Variants in CDC123 observed in about 807,000 individuals in gnomAD.
CDC123 encodes cell division cycle 123, also known as translation initiation factor eIF2 assembly protein.
In CDC123, 37 loss-of-function variants were observed where a neutral mutation model predicts 54.4. That is an observed-to-expected ratio of 0.68 (90% CI 0.52 to 0.89). The LOEUF (loss-of-function observed/expected upper bound fraction) is 0.89, where lower values mean the gene tolerates loss of function less well. CDC123 is among the 40% of genes least tolerant of loss of function. The probability of loss-of-function intolerance (pLI) is 0.00; values close to 1 mark genes in which losing one functional copy is unlikely to be tolerated. For synonymous variants in CDC123, 144 were observed against 136.8 expected, an observed-to-expected ratio of 1.05 and a Z score of -0.37; for missense variants, 361 against 412.1, an observed-to-expected ratio of 0.88 and a Z score of 1.07.
At chr10:12,213,929 TCACTATCAC>T in intron 4 of CDC123, among the ~76,000 whole-genome samples, 1 of 152,150 alleles carries the variant, frequency 6.6e-6, no homozygotes, top group African/African-American at 2.4e-5. Flanking sequence ...TTAGTTCATG[TCACTATCAC>T]TTACCTAGAA....
At chr10:12,212,521 A>G (rs1346007949) in intron 4 of CDC123, among the ~76,000 whole-genome samples, 1 of 152,230 alleles carries the variant, frequency 6.6e-6, no homozygotes, top group East Asian at 1.9e-4. Context: ...AACTTTTTAA[A>G]AAGACTGACT....
At chr10:12,238,308 T>G in intron 9 of CDC123, 149 bp from the exon 10 acceptor site, 2 of 773,056 alleles carry the variant, frequency 2.6e-6, no homozygotes, top group East Asian at 3.2e-5. Context: ...TGCCTTTTTA[T>G]GTTTGAAGTT....
chr10:12,228,040 A>C (rs1439423081), intron 6 of CDC123, among the ~76,000 whole-genome samples: 1 of 152,010 alleles, frequency 6.6e-6, no homozygotes, highest in Admixed American at 6.6e-5. Context: ...AGCTCAAGTG[A>C]TCTTCCCGCC....
intron 2 of CDC123, among the ~76,000 whole-genome samples, chr10:12,199,184 GC>G (rs964676835): frequency 3.5e-4 from 54 of 152,154 alleles, no homozygotes; most frequent in Non-Finnish European, 1.8e-4. Flanking sequence ...AACTACCGTG[GC>G]CCCCCCTCCA....
chr10:12,215,676 A>G, intron 4 of CDC123, 64 bp from the exon 5 acceptor site: 1 of 864,892 alleles, frequency 1.2e-6, no homozygotes, highest in African/African-American at 1.7e-5. Flanking sequence ...TGAGATTTTG[A>G]TCTTGTTTTA....
chr10:12,201,411 C>T (rs186386679), intron 2 of CDC123, among the ~76,000 whole-genome samples: 5 of 151,844 alleles, frequency 3.3e-5, no homozygotes, highest in South Asian at 2.1e-4. Flanking sequence ...CGAGGAGGGT[C>T]GGGGAATGCT....
chr10:12,196,348 A>G (rs764504123), intron 1 of CDC123, 29 bp downstream of exon 1: 1 of 1,613,806 alleles, frequency 6.2e-7, no homozygotes, highest in Non-Finnish European at 8.5e-7. Flanking sequence ...CGCCCGGTCG[A>G]CCGGCAAAAG....
intron 6 of CDC123, among the ~76,000 whole-genome samples, chr10:12,229,650 G>C (rs1835872119): frequency 6.6e-6 from 1 of 152,158 alleles, no homozygotes; most frequent in Admixed American, 6.5e-5. Flanking sequence ...CTATTTTTTA[G>C]CTTTCTCCAC....
chr10:12,214,241 C>T (rs188203597), intron 4 of CDC123, among the ~76,000 whole-genome samples: 291 of 152,238 alleles, frequency 1.9e-3, no homozygotes, highest in Non-Finnish European at 3.1e-3. Flanking sequence ...AATTCTTTCC[C>T]GTTGTAAAGT....
chr10:12,199,299 T>C (rs12248186), intron 2 of CDC123, among the ~76,000 whole-genome samples: 3,271 of 152,284 alleles, frequency 0.021, 113 homozygotes, highest in African/African-American at 0.074. Context: ...TGAAGAATCA[T>C]AGGATTTAGT....
chr10:12,234,718 C>T (rs2131758038), intron 7 of CDC123, among the ~76,000 whole-genome samples: 1 of 150,994 alleles, frequency 6.6e-6, no homozygotes, highest in South Asian at 2.1e-4. Context: ...AATAATAGAT[C>T]ACAACTCTAT....
At chr10:12,234,950 A>T (rs530420087) in intron 7 of CDC123, 98 bp from the exon 8 acceptor site, 22 of 827,348 alleles carry the variant, frequency 2.7e-5, no homozygotes, top group Non-Finnish European at 4.0e-5. Flanking sequence ...AAACCATTTG[A>T]TAATGGCAAT....
chr10:12,214,891 GA>G (rs1006785798), intron 4 of CDC123, among the ~76,000 whole-genome samples: 11 of 152,072 alleles, frequency 7.2e-5, no homozygotes, highest in African/African-American at 2.4e-4. Context: ...GGGTATAAAT[GA>G]AAATTAATGA....
chr10:12,203,927 T>C (rs2131732070), intron 2 of CDC123, among the ~76,000 whole-genome samples: 1 of 151,740 alleles, frequency 6.6e-6, no homozygotes, highest in East Asian at 1.9e-4. Context: ...GCCCCATCTC[T>C]ACAAAAAAAT....
rs562989898 is a variant in CDC123, at chr10:12,236,750, T to C, written c.566-394T>C. Among the ~76,000 whole-genome samples, 18 of 151,874 alleles carry C rather than the reference T, an allele frequency of 1.2e-4. No homozygotes were observed. In the East Asian group the frequency reaches 3.1e-3, roughly 26 times the overall value. On this transcript the variant is annotated intron_variant, in intron 8 of 12. Transcript: ENST00000281141. ...GCTAAAAATACAAAAAAAAATTTGC[T>C]GGGTGTGGTGGCAGGCGCCCGTAAT...
At position 12,209,996 on chromosome 10, in the gene CDC123, A is replaced by T. The variant is rs754964626; in HGVS notation, c.176A>T (p.Asp59Val). The change falls in exon 3 of 13, where the codon GAC becomes GTC. Residue 59 changes from aspartate to valine, a missense_variant. Physicochemically the swap from Asp to Val is radical, Grantham distance 152 (BLOSUM62 -3). Transcript: ENST00000281141. The stretch of plus-strand genomic sequence containing the variant: ...GATCCACCAACACATTCTCAGCCAG[A>T]CAGTGATGATGAAGCAGAAGAAATA... The part of the protein sequence containing the change: ...RDDPPTHSQP[D>V]SDDEAEEIQW... 3.9e-5 allele frequency: 63 copies of T among 1,614,092 alleles called. No individual in the cohort carries two copies. The highest frequency in any genetic ancestry group is 1.2e-5 in the Non-Finnish European group (14 of 1,180,036).
At chr10:12,246,381 G>A in intron 11 of CDC123, 104 bp downstream of exon 11, 1 of 1,301,750 alleles carries the variant, frequency 7.7e-7, no homozygotes, top group Non-Finnish European at 1.1e-6. Context: ...GGACCCTTGG[G>A]AAGCGCAGAG....
At chr10:12,196,888 T>C (rs953137122) in intron 1 of CDC123, among the ~76,000 whole-genome samples, 1 of 152,214 alleles carries the variant, frequency 6.6e-6, no homozygotes, top group East Asian at 1.9e-4. Flanking sequence ...CTTAAAAACA[T>C]CAGGTAGGCG....
chr10:12,248,943 T>G (rs1836197194), intron 11 of CDC123, among the ~76,000 whole-genome samples: 1 of 151,472 alleles, frequency 6.6e-6, no homozygotes, highest in African/African-American at 2.4e-5. Flanking sequence ...AATCCCTATC[T>G]CTACTAAAAA....
Sources: allele counts gnomAD v4.1 joint callset (sites outside exome capture counted in the v4.1 genomes callset), GRCh38; gene constraint gnomAD v4.1.1; transcripts MANE v1.5; gene names NCBI Gene and HGNC (gene_info 2026-07-23, HGNC 2026-07-21).